NCOA3: variants seen among roughly 807,000 people sequenced by gnomAD.
The protein encoded by NCOA3 is nuclear receptor coactivator 3.
NCOA3 carries 51 observed loss-of-function variants against 158.8 expected under a neutral mutation model. The ratio of observed to expected loss-of-function variants is 0.32; its 90% CI spans 0.26 to 0.41. The LOEUF (loss-of-function observed/expected upper bound fraction) is 0.41, where lower values mean the gene tolerates loss of function less well. NCOA3 is among the 10% of genes least tolerant of loss of function. NCOA3 has a pLI of 1.00. For missense variants in NCOA3, 1,510 were observed against 1,746.6 expected (o/e 0.86, Z 2.41); for synonymous variants, 537 against 592.4 (o/e 0.91, Z 1.36).
intron 14 of NCOA3, 133 bp downstream of exon 14, chr20:47,639,335 TTC>T (rs781296187): frequency 2.0e-5 from 19 of 934,842 alleles, no homozygotes; most frequent in Non-Finnish European, 3.0e-5. Flanking sequence ...ATGAATATCC[TTC>T]ATTTATTCTA....
At chr20:47,645,833 C>G (rs1026145112) in intron 17 of NCOA3, among the ~76,000 whole-genome samples, 18 of 152,082 alleles carry the variant, frequency 1.2e-4, no homozygotes, top group Non-Finnish European at 2.2e-4. Context: ...TTTCCAGTTA[C>G]TATGGTAACA....
chr20:47,573,833 G>A (rs1439700394), intron 1 of NCOA3, among the ~76,000 whole-genome samples: 1 of 152,144 alleles, frequency 6.6e-6, no homozygotes, highest in Non-Finnish European at 1.5e-5. Context: ...TCTGAATTCA[G>A]GGACTTCTCA....
chr20:47,570,939 TACACAC>T (rs71183265), intron 1 of NCOA3, among the ~76,000 whole-genome samples: 61 of 114,964 alleles, frequency 5.3e-4, no homozygotes, highest in East Asian at 1.6e-3. Flanking sequence ...GTAATATATA[TACACAC>T]ACACACACAC....
At chr20:47,535,787 T>G (rs2084623006) in intron 1 of NCOA3, among the ~76,000 whole-genome samples, 4 of 152,106 alleles carry the variant, frequency 2.6e-5, no homozygotes. Context: ...ATTACAGGTA[T>G]GAGCCACTGC....
Position 47,633,517 on chromosome 20 carries a change from C to G in NCOA3, c.845C>G (p.Thr282Arg). ...DLSGKVVNID[T>R]NSLRSSMRPG... ...ATAGGAAAGGTTGTCAATATAGATA[C>G]AAATTCACTGAGATCCTCCATGAGG... is the stretch of plus-strand genomic sequence containing the variant. The change falls in exon 9 of 23, where the codon ACA (threonine) becomes AGA (arginine). Residue 282 changes from threonine to arginine, a missense_variant. Around this residue, in one of 4 missense-constraint regions of NCOA3, gnomAD observed 309 missense variants for 427.1 expected, o/e 0.72. Coordinates refer to ENST00000371998, the MANE Select transcript of NCOA3 (RefSeq NM_181659.3). 1 of 1,611,554 alleles carries G rather than the reference C, an allele frequency of 6.2e-7. No individual in the cohort carries two copies. The highest frequency in any genetic ancestry group is 8.5e-7 in the Non-Finnish European group (1 of 1,179,072).
chr20:47,571,421 G>A (rs940504242), intron 1 of NCOA3, among the ~76,000 whole-genome samples: 4 of 151,052 alleles, frequency 2.6e-5, no homozygotes, highest in African/African-American at 4.9e-5. Flanking sequence ...GTGTTCAAGC[G>A]ATTCTTGTGC....
At chr20:47,579,525 C>CT (rs34272759) in intron 1 of NCOA3, among the ~76,000 whole-genome samples, 3 of 152,150 alleles carry the variant, frequency 2.0e-5, no homozygotes, top group Non-Finnish European at 2.9e-5. Context: ...TTTGCAGAAT[C>CT]TTTTTTCCAG....
At chr20:47,599,617 T>C (rs2085824407) in intron 2 of NCOA3, among the ~76,000 whole-genome samples, 1 of 152,224 alleles carries the variant, frequency 6.6e-6, no homozygotes, top group Admixed American at 6.5e-5. Context: ...CATACAGAAA[T>C]TTTATGGAAA....
rs775655794 is a variant in NCOA3 at position 47,656,581 on chromosome 20, CA to C, written c.*3166del. ...AGGATTGATTTATTGTTTTCAACTCCAAGGCACACTGTTAATAAACGAGCAG... is the reference window on the plus strand; with the variant it reads ...AGGATTGATTTATTGTTTTCAACTCCAGGCACACTGTTAATAAACGAGCAG... On this transcript the variant is annotated 3_prime_UTR_variant, in exon 23 of 23. Transcript: ENST00000371998. 1.3e-5 allele frequency: 2 copies of C among 152,646 alleles called. No individual in the cohort carries two copies. Among genetic ancestry groups the C allele is most frequent in the African/African-American group, 2.4e-5 (1 of 41,516 alleles). The allele number at this position is 152,646 out of a possible 1,614,324, so 9.5% of individuals were successfully genotyped here. A position where few individuals can be genotyped will look rare whatever the true frequency, so the allele number is the denominator to read the frequency against.
chr20:47,558,785 C>G (rs994463912), intron 1 of NCOA3, among the ~76,000 whole-genome samples: 4 of 149,840 alleles, frequency 2.7e-5, no homozygotes, highest in Admixed American at 2.7e-4. Context: ...CTCTAAGATC[C>G]ATATCTTAAA....
At chr20:47,534,466 G>A (rs2084601382) in intron 1 of NCOA3, among the ~76,000 whole-genome samples, 2 of 152,128 alleles carry the variant, frequency 1.3e-5, no homozygotes, top group Admixed American at 6.6e-5. Context: ...GGATCATGCT[G>A]AATTTGAGTC....
intron 1 of NCOA3, among the ~76,000 whole-genome samples, chr20:47,538,432 ATTGGAAGAGCT>A (rs1428080045): frequency 6.6e-6 from 1 of 152,234 alleles, no homozygotes; most frequent in Non-Finnish European, 1.5e-5. Context: ...TGTAACTGCA[ATTGGAAGAGCT>A]TTGGAAAAAT....
At chr20:47,514,182 TTTTA>T (rs542998564) in intron 1 of NCOA3, among the ~76,000 whole-genome samples, 190 of 152,134 alleles carry the variant, frequency 1.2e-3, no homozygotes, top group Middle Eastern at 0.01. Flanking sequence ...TATCAGAAGA[TTTTA>T]TTTTTTTACT....
chr20:47,612,226 A>C (rs1290686628), intron 2 of NCOA3, among the ~76,000 whole-genome samples: 2 of 152,206 alleles, frequency 1.3e-5, no homozygotes, highest in Non-Finnish European at 2.9e-5. Flanking sequence ...GCAAAGGAGA[A>C]CTGGAGTTTG....
At chr20:47,537,137 A>T (rs1033353777) in intron 1 of NCOA3, among the ~76,000 whole-genome samples, 1 of 152,068 alleles carries the variant, frequency 6.6e-6, no homozygotes, top group Admixed American at 6.6e-5. Context: ...GAAGTTCTTC[A>T]TATTTATAGA....
chr20:47,598,295 G>T (rs113568173), intron 2 of NCOA3, among the ~76,000 whole-genome samples: 2,131 of 149,730 alleles, frequency 0.014, 26 homozygotes, highest in Middle Eastern at 0.042. Context: ...GTTTACTAGC[G>T]AACTTTGGAA....
At chr20:47,647,456 C>T in intron 18 of NCOA3, 90 bp downstream of exon 18, 1 of 1,201,782 alleles carries the variant, frequency 8.3e-7, no homozygotes, top group Non-Finnish European at 1.2e-6. Context: ...TGCAATCTAT[C>T]CCTGTCAACT....
intron 1 of NCOA3, among the ~76,000 whole-genome samples, chr20:47,536,892 C>T (rs2084642851): frequency 6.6e-6 from 1 of 151,554 alleles, no homozygotes. Context: ...CAACCTCCGC[C>T]TCCTGGATTC....
At chr20:47,638,945 T>C (rs2146326384) in intron 13 of NCOA3, 63 bp from the exon 14 acceptor site, 1 of 1,335,944 alleles carries the variant, frequency 7.5e-7, no homozygotes, top group Middle Eastern at 1.9e-4. Flanking sequence ...GTATTTGTGT[T>C]TTGTACTTGA....
Sources: gnomAD v4.1 joint callset for allele counts (sites outside exome capture counted in the v4.1 genomes callset) on GRCh38, gnomAD v4.1.1 for gene constraint, gnomAD v4.1.1 regional missense constraint, MANE v1.5 for transcripts, NCBI Gene and HGNC (gene_info 2026-07-23, HGNC 2026-07-21) for gene names.